Variants in CERS6 observed in about 807,000 individuals in gnomAD.
The protein encoded by CERS6 is LAG1 homolog, ceramide synthase 6.
In CERS6, 26 loss-of-function variants were observed where a neutral mutation model predicts 56.8. That is an observed-to-expected ratio of 0.46 (90% CI 0.34 to 0.63). CERS6 has a LOEUF of 0.63. CERS6 is among the 30% of genes least tolerant of loss of function. CERS6 has a pLI of 0.01. For missense variants in CERS6, 415 were observed against 467.5 expected, an observed-to-expected ratio of 0.89 and a Z score of 1.04; for synonymous variants, 164 against 173.3, an observed-to-expected ratio of 0.95 and a Z score of 0.42.
rs573253550 is a variant in CERS6, at chr2:168,709,559, G to T, written c.610-5442G>T. 2.6e-5 allele frequency among the ~76,000 whole-genome samples: 4 copies of T among 152,228 alleles called. No homozygotes were observed. The East Asian group carries it at 7.7e-4, about 29-fold the overall frequency. On this transcript the variant is annotated intron_variant, in intron 6 of 9. Coordinates refer to ENST00000305747, the MANE Select transcript of CERS6 (RefSeq NM_203463.3). ...GAAACAATATGGTAGAATAGCAGGA[G>T]GTTGAGGACACAAGTAAAGCACGTG...
intron 1 of CERS6, among the ~76,000 whole-genome samples, chr2:168,520,651 C>T (rs1694962546): frequency 9.6e-6 from 1 of 104,126 alleles, no homozygotes. Context: ...ACTCTGTTGC[C>T]TAGGCTGGAG....
chr2:168,669,985 A>G (rs994911212), intron 4 of CERS6, among the ~76,000 whole-genome samples: 4 of 152,222 alleles, frequency 2.6e-5, no homozygotes, highest in African/African-American at 7.2e-5. Context: ...TGATTATACT[A>G]TCAGTATACT....
At chr2:168,665,860 A>G (rs558486831) in intron 4 of CERS6, among the ~76,000 whole-genome samples, 8 of 152,192 alleles carry the variant, frequency 5.3e-5, no homozygotes, top group African/African-American at 7.2e-5. Context: ...ATTATGGCAT[A>G]TTATCTTCCA....
At chr2:168,655,848 A>G (rs996897239) in intron 4 of CERS6, among the ~76,000 whole-genome samples, 1 of 152,198 alleles carries the variant, frequency 6.6e-6, no homozygotes, top group East Asian at 1.9e-4. Context: ...TTTGTTAAAT[A>G]AGTAGATCTT....
chr2:168,765,868 G>T, intron 9 of CERS6, 120 bp downstream of exon 9: 1 of 895,298 alleles, frequency 1.1e-6, no homozygotes. Flanking sequence ...TCAGAATTGA[G>T]CAAAAATTGA....
chr2:168,552,139 A>G (rs1353976300), intron 2 of CERS6, among the ~76,000 whole-genome samples: 2 of 152,064 alleles, frequency 1.3e-5, no homozygotes, highest in African/African-American at 4.8e-5. Flanking sequence ...TCAATAATCT[A>G]TTTCCTTTCA....
At chr2:168,685,923 CA>C (rs1686337401) in intron 4 of CERS6, among the ~76,000 whole-genome samples, 1 of 151,476 alleles carries the variant, frequency 6.6e-6, no homozygotes, top group African/African-American at 2.4e-5. Flanking sequence ...ATTTCTCATC[CA>C]CTGTGATATG....
At chr2:168,668,700 C>T (rs1466781711) in intron 4 of CERS6, among the ~76,000 whole-genome samples, 1 of 152,050 alleles carries the variant, frequency 6.6e-6, no homozygotes, top group African/African-American at 2.4e-5. Flanking sequence ...GTAATCTGCC[C>T]ACCTCGGCCT....
chr2:168,574,373 TG>T (rs1175343522), intron 3 of CERS6, among the ~76,000 whole-genome samples: 7 of 4,010 alleles, frequency 1.7e-3, no homozygotes, highest in Non-Finnish European at 7.5e-3. Context: ...ATAAGTTTTG[TG>T]TGTGTGTGTG....
chr2:168,627,097 T>C (rs932905835), intron 3 of CERS6, among the ~76,000 whole-genome samples: 3 of 152,218 alleles, frequency 2.0e-5, no homozygotes, highest in African/African-American at 4.8e-5. Flanking sequence ...ATAGTCTTAG[T>C]CTATTTCTGT....
At chr2:168,752,326 G>C (rs1048134782) in intron 8 of CERS6, among the ~76,000 whole-genome samples, 2 of 117,526 alleles carry the variant, frequency 1.7e-5, no homozygotes, top group Non-Finnish European at 4.0e-5. Context: ...TGTATAGAGA[G>C]AGAGAGAGAG....
intron 1 of CERS6, among the ~76,000 whole-genome samples, chr2:168,515,403 GA>G (rs891351581): frequency 2.0e-3 from 293 of 144,656 alleles, no homozygotes; most frequent in African/African-American, 3.7e-3. Flanking sequence ...GTCACTGTGG[GA>G]AAAAAAAAAA....
Position 168,665,373 on chromosome 2 carries a change from A to G in CERS6, c.466-25661A>G, listed in dbSNP as rs997470810. ...TTAAACATTTACTACCAATTACTTA[A>G]GTTTTTGCTTAGCAATAATTGTAAT... On this transcript the variant is annotated intron_variant, in intron 4 of 9. Transcript: ENST00000305747. Among the ~76,000 whole-genome samples the G allele has an allele frequency of 7.9e-5, 12 of 152,310 alleles. 1 individual carries two copies. The South Asian group carries it at 8.3e-4, about 11-fold the overall frequency.
At chr2:168,704,809 A>G (rs1389536711) in intron 6 of CERS6, among the ~76,000 whole-genome samples, 5 of 152,130 alleles carry the variant, frequency 3.3e-5, no homozygotes, top group Admixed American at 6.5e-5. Flanking sequence ...CGTGTTAGCC[A>G]GGATGGTCTC....
intron 3 of CERS6, among the ~76,000 whole-genome samples, chr2:168,561,574 G>A: frequency 6.6e-6 from 1 of 152,108 alleles, no homozygotes; most frequent in East Asian, 1.9e-4. Context: ...ATCTACAATG[G>A]TCTTTTTAAT....
chr2:168,654,176 A>G (rs1182709539), intron 4 of CERS6, among the ~76,000 whole-genome samples: 3 of 152,192 alleles, frequency 2.0e-5, no homozygotes, highest in East Asian at 1.9e-4. Flanking sequence ...TTTAGTTATT[A>G]AAATAGGTGT....
chr2:168,643,093 G>C (rs2105308080), intron 4 of CERS6, among the ~76,000 whole-genome samples: 1 of 152,218 alleles, frequency 6.6e-6, no homozygotes, highest in East Asian at 1.9e-4. Context: ...GTGTGTATGT[G>C]CATGCATCAC....
chr2:168,667,329 G>A (rs975867995), intron 4 of CERS6, among the ~76,000 whole-genome samples: 1 of 152,152 alleles, frequency 6.6e-6, no homozygotes, highest in Admixed American at 6.5e-5. Flanking sequence ...TAGGTAAAGT[G>A]GCCATTGTGT....
intron 1 of CERS6, among the ~76,000 whole-genome samples, chr2:168,475,451 C>T (rs551248250): frequency 2.6e-5 from 4 of 151,896 alleles, no homozygotes; most frequent in Admixed American, 6.6e-5. Flanking sequence ...AATTTTATAT[C>T]GTGGGATTTA....
Sources: gnomAD v4.1 joint callset for allele counts (sites outside exome capture counted in the v4.1 genomes callset) on GRCh38, gnomAD v4.1.1 for gene constraint, MANE v1.5 for transcripts, NCBI Gene and HGNC (gene_info 2026-07-23, HGNC 2026-07-21) for gene names.